The following ELP4 variants were observed in gnomAD, a reference collection of about 807,000 sequenced individuals.
ELP4 encodes the protein elongator complex protein 4.
A neutral mutation model predicts 48.9 loss-of-function variants in ELP4; 51 were observed. That is an observed-to-expected ratio of 1.04 (90% CI 0.83 to 1.32). ELP4 has a LOEUF of 1.32. ELP4 is among the 40% of genes most tolerant of loss of function. The pLI, the probability that ELP4 is intolerant of heterozygous loss-of-function variation, is 0.00. For missense variants in ELP4, 519 were observed against 514.6 expected (o/e 1.01, Z -0.08); for synonymous variants, 210 against 189.2 (o/e 1.11, Z -0.90).
intron 2 of ELP4, among the ~76,000 whole-genome samples, chr11:31,537,879 A>G (rs1444634187): frequency 6.6e-6 from 1 of 152,188 alleles, no homozygotes; most frequent in Admixed American, 6.5e-5. Context: ...ATTTCTTTGT[A>G]AATTTTAGAA....
intron 9 of ELP4, among the ~76,000 whole-genome samples, chr11:31,772,465 C>G (rs973445637): frequency 1.8e-4 from 28 of 152,168 alleles, no homozygotes; most frequent in African/African-American, 5.8e-4. Flanking sequence ...TGTTGTCAGT[C>G]TCTCCTCGAG....
intron 3 of ELP4, among the ~76,000 whole-genome samples, chr11:31,583,285 C>T (rs1389534067): frequency 2.0e-5 from 3 of 152,006 alleles, no homozygotes; most frequent in Non-Finnish European, 4.4e-5. Context: ...ATATTATTCT[C>T]TATTCTTTTC....
chr11:31,707,144 G>C (rs2134165792), intron 9 of ELP4: 1 of 395,194 alleles, frequency 2.5e-6, no homozygotes, highest in East Asian at 3.6e-5. Flanking sequence ...GCAGTTTCTT[G>C]AGAACCCTTC....
At chr11:31,629,158 TTTAAG>T (rs1944808488) in intron 6 of ELP4, among the ~76,000 whole-genome samples, 1 of 152,002 alleles carries the variant, frequency 6.6e-6, no homozygotes, top group African/African-American at 2.4e-5. Context: ...CATAATTTCA[TTTAAG>T]TTGTTATTTT....
At chr11:31,596,359 G>A (rs893536409) in intron 4 of ELP4, among the ~76,000 whole-genome samples, 2 of 152,278 alleles carry the variant, frequency 1.3e-5, no homozygotes, top group African/African-American at 2.4e-5. Flanking sequence ...AGCTGAGATC[G>A]TGCCACTGCA....
At chr11:31,524,700 T>C (rs1250167774) in intron 2 of ELP4, among the ~76,000 whole-genome samples, 4 of 152,232 alleles carry the variant, frequency 2.6e-5, no homozygotes, top group Admixed American at 1.3e-4. Context: ...CAGAATATTA[T>C]AGTATTTCTT....
In ELP4 at chr11:31,787,932, A is replaced by T. The variant is rs1948780493; in HGVS notation, c.*4408A>T. Reference sequence around the variant, plus strand: ...TTTAAAGCAGAGTATAATTCAGTGGAAGTGTGTCTTTGTCCCCAGAGGTTT... The same window carrying T: ...TTTAAAGCAGAGTATAATTCAGTGGTAGTGTGTCTTTGTCCCCAGAGGTTT... On this transcript the variant is annotated 3_prime_UTR_variant, in exon 10 of 10. Transcript: ENST00000640961. The T allele has an allele frequency of 4.5e-6, 1 of 222,020 alleles. No homozygotes were observed. Among genetic ancestry groups the T allele is most frequent in the Non-Finnish European group, 9.0e-6 (1 of 111,090 alleles). 13.8% of individuals were successfully genotyped at this position (222,020 alleles called of 1,614,324 possible).
intron 9 of ELP4, among the ~76,000 whole-genome samples, chr11:31,731,321 G>A (rs566346901): frequency 1.2e-4 from 18 of 152,178 alleles, no homozygotes; most frequent in Non-Finnish European, 2.2e-4. Context: ...GAGAAACTAT[G>A]TGTGAACAAA....
intron 3 of ELP4, among the ~76,000 whole-genome samples, chr11:31,562,393 GA>G (rs1222906235): frequency 6.6e-6 from 1 of 151,970 alleles, no homozygotes; most frequent in East Asian, 1.9e-4. Flanking sequence ...AAAAATGAAA[GA>G]AATATTATCT....
chr11:31,647,851 T>C lies in ELP4; in HGVS notation c.1036+2T>C. 1 of 1,539,984 alleles carries C rather than the reference T, an allele frequency of 6.5e-7. No homozygotes were observed. Among genetic ancestry groups the C allele is most frequent in the Non-Finnish European group, 9.0e-7 (1 of 1,113,670 alleles). On this transcript the variant is annotated splice_donor_variant, in intron 8 of 9. Coordinates refer to ENST00000640961, the MANE Select transcript of ELP4 (RefSeq NM_019040.5). LOFTEE classifies it high-confidence loss of function. ...ACCCATTGTATAAGGATTATCATGGTAAGTACAACCTTCATAATGAGAAGA... is the reference window on the plus strand; with the variant it reads ...ACCCATTGTATAAGGATTATCATGGCAAGTACAACCTTCATAATGAGAAGA...
intron 5 of ELP4, among the ~76,000 whole-genome samples, chr11:31,621,613 C>A (rs2134027974): frequency 6.6e-6 from 1 of 152,040 alleles, no homozygotes; most frequent in South Asian, 2.1e-4. Context: ...ATACAATACT[C>A]ATATCTAGTT....
At chr11:31,619,491 G>A (rs904540746) in intron 5 of ELP4, among the ~76,000 whole-genome samples, 3 of 151,940 alleles carry the variant, frequency 2.0e-5, no homozygotes, top group African/African-American at 7.2e-5. Context: ...TCAGATTCTG[G>A]TGAGGGCCCA....
intron 3 of ELP4, among the ~76,000 whole-genome samples, chr11:31,546,064 A>G (rs528832623): frequency 8.8e-4 from 134 of 152,280 alleles, no homozygotes; most frequent in Non-Finnish European, 1.3e-3. Flanking sequence ...GACTAGGAAG[A>G]AACTGCATCA....
chr11:31,590,784 C>A (rs1359497691), intron 3 of ELP4, among the ~76,000 whole-genome samples: 2 of 152,128 alleles, frequency 1.3e-5, no homozygotes, highest in Non-Finnish European at 2.9e-5. Flanking sequence ...GTAGTTCACA[C>A]TTTTAAACAC....
rs868169746 is a variant in ELP4 at position 31,549,588 on chromosome 11, A to G, written c.381+9805A>G. Among the ~76,000 whole-genome samples, 571 of 152,072 alleles carry G rather than the reference A, an allele frequency of 3.8e-3. 5 individuals are homozygous for G. Among genetic ancestry groups the G allele is most frequent in the African/African-American group, 0.012 (514 of 41,454 alleles). ...GTGGAAGTCAGTGTGGTGATTCCTC[A>G]GGGATCTAGAACTAGAAATACCATT... On this transcript the variant is annotated intron_variant, in intron 3 of 9. Coordinates refer to ENST00000640961, the MANE Select transcript of ELP4 (RefSeq NM_019040.5).
intron 9 of ELP4, among the ~76,000 whole-genome samples, chr11:31,711,352 G>A (rs1220661435): frequency 6.6e-6 from 1 of 152,054 alleles, no homozygotes; most frequent in Non-Finnish European, 1.5e-5. Context: ...GTGGTCTGAC[G>A]GCTTCTGACA....
chr11:31,701,465 C>T (rs1946520242), intron 9 of ELP4, among the ~76,000 whole-genome samples: 1 of 151,826 alleles, frequency 6.6e-6, no homozygotes, highest in Non-Finnish European at 1.5e-5. Context: ...TTAGTAGAAT[C>T]ATGCTATTGC....
rs185179548 is a variant in ELP4, at chr11:31,632,660, A to G, written c.927+255A>G. 3.5e-3 allele frequency: 1,160 copies of G among 330,350 alleles called. 5 individuals carry two copies. The highest frequency in any genetic ancestry group is 5.5e-3 in the Non-Finnish European group (1,018 of 183,778). 20.5% of individuals were successfully genotyped at this position (330,350 alleles called of 1,614,324 possible). Reference sequence around the variant, plus strand: ...CTCCTATCTATGACTTGCTTTTTCTATTTTCTTAACAGTGTCTTTTGAAGA... The same window carrying G: ...CTCCTATCTATGACTTGCTTTTTCTGTTTTCTTAACAGTGTCTTTTGAAGA... On this transcript the variant is annotated intron_variant, in intron 7 of 9. Coordinates refer to ENST00000640961, the MANE Select transcript of ELP4 (RefSeq NM_019040.5).
Position 31,785,023 on chromosome 11 carries a change from A to G in ELP4, c.*1499A>G, listed in dbSNP as rs979501903. The stretch of plus-strand genomic sequence containing the variant: ...TTTTTCATTTCTTTTAATTCTAAAG[A>G]CACAGATTCTTCCCCATTTTCTTTT... On this transcript the variant is annotated 3_prime_UTR_variant, in exon 10 of 10. Transcript: ENST00000640961. 5.0e-5 allele frequency: 9 copies of G among 181,134 alleles called. No homozygotes were observed. The Admixed American group carries it at 5.0e-4, about 10-fold the overall frequency. 11.2% of individuals were successfully genotyped at this position (181,134 alleles called of 1,614,324 possible). A position where few individuals can be genotyped will look rare whatever the true frequency, so the allele number is the denominator to read the frequency against.
Sources: allele counts gnomAD v4.1 joint callset (sites outside exome capture counted in the v4.1 genomes callset), GRCh38; gene constraint gnomAD v4.1.1; transcripts MANE v1.5; gene names NCBI Gene and HGNC (gene_info 2026-07-23, HGNC 2026-07-21).